SLC41A3: variants seen among roughly 807,000 people sequenced by gnomAD.
The protein encoded by SLC41A3 is solute carrier family 41 member 3.
In SLC41A3, 44 loss-of-function variants were observed where a neutral mutation model predicts 45.4. The ratio of observed to expected loss-of-function variants is 0.97; its 90% CI spans 0.76 to 1.25. The LOEUF (loss-of-function observed/expected upper bound fraction) is 1.25. Ranked by LOEUF, SLC41A3 falls within the 50% of genes most tolerant of loss-of-function variation. SLC41A3 has a pLI of 0.00. For missense variants in SLC41A3, 550 were observed against 600.6 expected, an observed-to-expected ratio of 0.92 and a Z score of 0.88; for synonymous variants, 256 against 252.4, an observed-to-expected ratio of 1.01 and a Z score of -0.13.
chr3:126,006,764 C>A lies in SLC41A3; in HGVS notation c.*252G>T. 6.9e-7 allele frequency: 1 copy of A among 1,443,130 alleles called. No homozygotes were observed. The highest frequency in any genetic ancestry group is 1.4e-5 in the African/African-American group (1 of 69,862). The allele number at this position is 1,443,130 out of a possible 1,614,324, so 89.4% of individuals were successfully genotyped here. On this transcript the variant is annotated 3_prime_UTR_variant, in exon 11 of 11. Transcript: ENST00000360370. ...CTCTCCACAAACGTGTGCACACTTGCACGCTCATTAAGCATGTGCACACAT... is the reference window on the plus strand; with the variant it reads ...CTCTCCACAAACGTGTGCACACTTGAACGCTCATTAAGCATGTGCACACAT...
In SLC41A3 at chr3:126,021,205, T is replaced by C. The variant is rs562648247; in HGVS notation, c.745+1581A>G. Among the ~76,000 whole-genome samples the C allele has an allele frequency of 1.1e-4, 16 of 150,166 alleles. No homozygotes were observed. In the East Asian group the frequency reaches 1.4e-3, roughly 13 times the overall value. ...CACCGCGCCTGGCCTGTTTAGAGTT[T>C]TTATACCCCCTATCTTTTCCTGGGC... On this transcript the variant is annotated intron_variant, in intron 6 of 10. Transcript: ENST00000360370.
chr3:126,098,497 G>A (rs1945646254), intron 1 of SLC41A3, among the ~76,000 whole-genome samples: 1 of 152,220 alleles, frequency 6.6e-6, no homozygotes. Context: ...CACATGTAGT[G>A]AGGTCAATAG....
At chr3:126,014,910 T>C (rs1447168173) in intron 8 of SLC41A3, among the ~76,000 whole-genome samples, 1 of 152,156 alleles carries the variant, frequency 6.6e-6, no homozygotes, top group Non-Finnish European at 1.5e-5. Flanking sequence ...GAGGTAAGTA[T>C]GTGCAGAGAG....
Position 126,026,435 on chromosome 3 carries a change from C to A in SLC41A3, c.498G>T (p.Leu166=). The part of the protein sequence containing the change: ...VVGLLAAVAA[L]LLGVVSREEV... Reference sequence around the variant, plus strand: ...CCTCTCGAGACACCACGCCCAACAGCAGCGCAGCCACAGCAGCCAAGAGCC... The same window carrying A: ...CCTCTCGAGACACCACGCCCAACAGAAGCGCAGCCACAGCAGCCAAGAGCC... Residue 166 remains leucine, a synonymous_variant, in exon 5 of 11, where the codon CTG becomes CTT. Transcript: ENST00000360370. This position sits in a 1 kb window ranked among gnomAD's most constrained non-coding sequence, Gnocchi z 4.2. The A allele has an allele frequency of 6.3e-7, 1 of 1,599,910 alleles. No homozygotes were observed. The highest frequency in any genetic ancestry group is 8.5e-7 in the Non-Finnish European group (1 of 1,173,152).
intron 1 of SLC41A3, among the ~76,000 whole-genome samples, chr3:126,091,069 T>C (rs1279760741): frequency 6.6e-6 from 1 of 152,088 alleles, no homozygotes. Context: ...TGCTGTCTCT[T>C]CTCACAGGGC....
chr3:126,012,602 A>C lies in SLC41A3; in HGVS notation c.1105+13T>G. ...AAATGGCTATCATGGCCTCTGAAAG[A>C]CATGACACCCACCTGACGTGCAGAA... On this transcript the variant is annotated intron_variant, in intron 9 of 10. Coordinates refer to ENST00000360370, the MANE Select transcript of SLC41A3 (RefSeq NM_017836.4). 1 of 1,613,870 alleles carries C rather than the reference A, an allele frequency of 6.2e-7. No homozygotes were observed. Among genetic ancestry groups the C allele is most frequent in the South Asian group, 1.1e-5 (1 of 91,068 alleles).
At chr3:126,040,940 C>A (rs925036550) in intron 3 of SLC41A3, among the ~76,000 whole-genome samples, 3 of 151,988 alleles carry the variant, frequency 2.0e-5, no homozygotes, top group Non-Finnish European at 4.4e-5. Flanking sequence ...GAAACAGAAT[C>A]AAAGTATGAA....
At position 126,068,192 on chromosome 3, in the gene SLC41A3, T is replaced by G. The variant is rs898879438; in HGVS notation, c.28A>C (p.Arg10=). Residue 10 remains arginine (R), a synonymous_variant, in exon 2 of 11, where the codon AGG becomes CGG. Coordinates refer to ENST00000360370, the MANE Select transcript of SLC41A3 (RefSeq NM_017836.4). MDGTETRQR[R]LDSCGKPGEL... Reference sequence around the variant, plus strand: ...CCTGGCTTGCCACAGCTGTCCAGCCTCCGCTGCCGGGTCTCTGTCCCATCC... The same window carrying G: ...CCTGGCTTGCCACAGCTGTCCAGCCGCCGCTGCCGGGTCTCTGTCCCATCC... The G allele has an allele frequency of 6.4e-7, 1 of 1,561,842 alleles. No homozygotes were observed. The highest frequency in any genetic ancestry group is 1.4e-5 in the African/African-American group (1 of 73,252).
chr3:126,070,112 G>A (rs1388988796), intron 1 of SLC41A3: 1 of 152,142 alleles, frequency 6.6e-6, no homozygotes, highest in Non-Finnish European at 1.5e-5. Context: ...AGAGCTCCAC[G>A]AATTCCAAGT....
chr3:126,015,784 AC>A (rs913903551), intron 7 of SLC41A3, among the ~76,000 whole-genome samples: 1 of 152,198 alleles, frequency 6.6e-6, no homozygotes, highest in African/African-American at 2.4e-5. Flanking sequence ...TTGAGCCTCA[AC>A]CATTGCAGAA....
chr3:126,013,562 CAA>C (rs11360581), intron 8 of SLC41A3, among the ~76,000 whole-genome samples: 35,763 of 129,468 alleles, frequency 0.28, 4,460 homozygotes, highest in Middle Eastern at 0.32. Context: ...GACTCTGTCT[CAA>C]AAAAAAAAAA....
intron 3 of SLC41A3, among the ~76,000 whole-genome samples, chr3:126,042,091 G>T (rs7619043): frequency 2.1e-3 from 322 of 152,316 alleles, no homozygotes; most frequent in African/African-American, 7.4e-3. Flanking sequence ...ACTGGTTTCT[G>T]TCTGTCTCTC....
chr3:126,020,881 T>G (rs1940793478), intron 6 of SLC41A3, among the ~76,000 whole-genome samples: 1 of 151,988 alleles, frequency 6.6e-6, no homozygotes, highest in Non-Finnish European at 1.5e-5. Context: ...GTTGTTTGCT[T>G]CTTTGTTTAG....
chr3:126,020,269 A>T (rs1940717471), intron 6 of SLC41A3, among the ~76,000 whole-genome samples: 1 of 151,870 alleles, frequency 6.6e-6, no homozygotes, highest in African/African-American at 2.4e-5. Context: ...GTCCCCTGAA[A>T]CGATTCCGTC....
chr3:126,094,073 G>C (rs969744840), intron 1 of SLC41A3, among the ~76,000 whole-genome samples: 2 of 152,204 alleles, frequency 1.3e-5, no homozygotes, highest in Non-Finnish European at 2.9e-5. Context: ...TATAACTTCT[G>C]TACCTATAAA....
At chr3:126,019,883 T>C (rs983188080) in intron 6 of SLC41A3, among the ~76,000 whole-genome samples, 3 of 151,966 alleles carry the variant, frequency 2.0e-5, no homozygotes, top group African/African-American at 7.3e-5. Context: ...CCTGCTTCCA[T>C]GGCTCCACTA....
At chr3:126,079,997 T>C (rs1209021576) in intron 1 of SLC41A3, among the ~76,000 whole-genome samples, 1 of 152,166 alleles carries the variant, frequency 6.6e-6, no homozygotes, top group Non-Finnish European at 1.5e-5. Flanking sequence ...ATAGATGGAC[T>C]GGAAAAACAG....
intron 6 of SLC41A3, among the ~76,000 whole-genome samples, chr3:126,021,923 ATTG>A (rs1940918406): frequency 6.6e-6 from 1 of 152,238 alleles, no homozygotes; most frequent in Non-Finnish European, 1.5e-5. Context: ...TGGCTATATT[ATTG>A]TTCATTGTAT....
At chr3:126,078,394 G>A (rs937033637) in intron 1 of SLC41A3, among the ~76,000 whole-genome samples, 6 of 152,124 alleles carry the variant, frequency 3.9e-5, no homozygotes, top group Non-Finnish European at 5.9e-5. Context: ...GAAAGGAGAG[G>A]AGGAGGACTT....
Sources: gnomAD v4.1 joint callset for allele counts (sites outside exome capture counted in the v4.1 genomes callset) on GRCh38, gnomAD v4.1.1 for gene constraint, Gnocchi (gnomAD v3.1) non-coding constraint, MANE v1.5 for transcripts, NCBI Gene and HGNC (gene_info 2026-07-23, HGNC 2026-07-21) for gene names.